Variants in NUP214 observed in about 807,000 individuals in gnomAD.
NUP214 encodes the protein nucleoporin 214.
In NUP214, 79 loss-of-function variants were observed where a neutral mutation model predicts 196.2. The observed-to-expected ratio is 0.40, with a 90% CI of 0.34 to 0.49. The LOEUF (loss-of-function observed/expected upper bound fraction) is 0.49, where lower values mean the gene tolerates loss of function less well. NUP214 is among the 20% of genes least tolerant of loss of function. NUP214 has a pLI of 0.58. For missense variants in NUP214, 2,468 were observed against 2,539.0 expected, an observed-to-expected ratio of 0.97 and a Z score of 0.60; for synonymous variants, 1,020 against 990.5, an observed-to-expected ratio of 1.03 and a Z score of -0.56.
In NUP214 at chr9:131,144,720, T is replaced by A. The variant is rs543869161; in HGVS notation, c.1735T>A (p.Ser579Thr). The change falls in exon 12 of 36, where the codon TCA becomes ACA. Residue 579 changes from serine to threonine, a missense_variant. By Grantham distance (58) the Ser-to-Thr change is moderately conservative. This residue lies in a region of NUP214 where 1,801 missense variants were observed against 1,779.4 expected (regional missense o/e 1.01). Coordinates refer to ENST00000359428, the MANE Select transcript of NUP214 (RefSeq NM_005085.4). ...NIAMKPSFPP[S>T]TSAVKVNLSE... is the part of the protein sequence containing the mutation. ...AGCAATGAAGCCCTCCTTCCCACCCTCAACCTCTGCTGTCAAAGTCAACCT... is the reference window on the plus strand; with the variant it reads ...AGCAATGAAGCCCTCCTTCCCACCCACAACCTCTGCTGTCAAAGTCAACCT... 3.1e-6 allele frequency: 5 copies of A among 1,611,696 alleles called. No homozygotes were observed. In the African/African-American group the frequency reaches 6.7e-5, roughly 21 times the overall value.
intron 27 of NUP214, among the ~76,000 whole-genome samples, chr9:131,193,629 C>CTTTTTTTTTTTTTTTTTTTTTTTTTTGTT (rs1833680255): frequency 3.5e-5 from 1 of 28,218 alleles, no homozygotes; most frequent in African/African-American, 1.2e-4. Context: ...TCTTCCTTTT[C>CTTTTTTTTTTTTTTTTTTTTTTTTTTGTT]TTTTTTTTTT....
chr9:131,162,792 T>C (rs1341826349), intron 18 of NUP214, 199 bp from the exon 19 acceptor site: 1 of 586,042 alleles, frequency 1.7e-6, no homozygotes, highest in Non-Finnish European at 3.0e-6. Flanking sequence ...TCCAGCTGTT[T>C]TCTCCACATT....
At chr9:131,162,672 T>A (rs1039274674) in intron 18 of NUP214, among the ~76,000 whole-genome samples, 1 of 152,198 alleles carries the variant, frequency 6.6e-6, no homozygotes, top group Non-Finnish European at 1.5e-5. Flanking sequence ...GCTGACTGGC[T>A]TTTTCCTGGT....
intron 21 of NUP214, among the ~76,000 whole-genome samples, chr9:131,166,299 C>T (rs926693804): frequency 5.3e-5 from 8 of 152,110 alleles, no homozygotes; most frequent in South Asian, 2.1e-4. Context: ...TTTCTCAGAA[C>T]GTCTTTGTTC....
intron 21 of NUP214, among the ~76,000 whole-genome samples, chr9:131,168,844 T>C (rs915457764): frequency 3.3e-5 from 5 of 152,120 alleles, no homozygotes; most frequent in Non-Finnish European, 7.4e-5. Flanking sequence ...TCCTCCCTGC[T>C]TAGCAGGGCC....
rs964222346 is a variant in NUP214, at chr9:131,189,138, T to G, written c.3574+7T>G. The G allele has an allele frequency of 1.2e-6, 2 of 1,613,132 alleles. No homozygotes were observed. Among genetic ancestry groups the G allele is most frequent in the South Asian group, 2.2e-5 (2 of 91,066 alleles). ...TCTGGTGACAAAGCTTCAGGTCAGT[T>G]TGCATTTTTGTTTTCTTGAAAAGTG... is the stretch of plus-strand genomic sequence containing the variant. On this transcript the variant is annotated splice_region_variant and intron_variant, in intron 26 of 35. Transcript: ENST00000359428.
At position 131,125,645 on chromosome 9, in the gene NUP214, T is replaced by G. The variant is rs1284539721; in HGVS notation, c.-60T>G. 1 of 1,541,954 alleles carries G rather than the reference T, an allele frequency of 6.5e-7. No individual in the cohort carries two copies. The highest frequency in any genetic ancestry group is 2.5e-5 in the East Asian group (1 of 39,732). ...GAAGTTTGCTGTCGAGCGGCCTGGG[T>G]TCCGTGGGCAAGGCCGTGGGAGGCA... On this transcript the variant is annotated 5_prime_UTR_variant, in exon 1 of 36. Coordinates refer to ENST00000359428, the MANE Select transcript of NUP214 (RefSeq NM_005085.4). The surrounding 1 kb of genome is among the most constrained non-coding windows in gnomAD (Gnocchi z 4.1).
rs766672154 is a variant in NUP214 at position 131,198,958 on chromosome 9, A to G, written c.5464A>G (p.Thr1822Ala). 1 of 1,613,368 alleles carries G rather than the reference A, an allele frequency of 6.2e-7. No homozygotes were observed. The highest frequency in any genetic ancestry group is 1.1e-5 in the South Asian group (1 of 91,070). Residue 1822 changes from threonine (T) to alanine (A), a missense_variant, in exon 29 of 36, where the codon ACC becomes GCC. Physicochemically the swap from Thr to Ala is moderately conservative, Grantham distance 58 (BLOSUM62 0). Around this residue, in one of 5 missense-constraint regions of NUP214, gnomAD observed 1,801 missense variants for 1,779.4 expected, o/e 1.01. Coordinates refer to ENST00000359428, the MANE Select transcript of NUP214 (RefSeq NM_005085.4). ...ACAGGGAGGCTCTGTCTTTGGTGGT[A>G]CCTCAGCTGCCACCACAACAGCAGC... ...FGQGGSVFGG[T>A]SAATTTAATS...
intron 3 of NUP214, 57 bp from the exon 4 acceptor site, chr9:131,129,222 T>C: frequency 7.2e-7 from 1 of 1,397,772 alleles, no homozygotes; most frequent in Non-Finnish European, 1.0e-6. Context: ...GAATATTAAA[T>C]GTTTCTGCAT....
intron 17 of NUP214, among the ~76,000 whole-genome samples, chr9:131,155,712 C>T (rs888850250): frequency 1.3e-5 from 2 of 152,118 alleles, no homozygotes; most frequent in East Asian, 3.8e-4. Flanking sequence ...GCCAATTATC[C>T]CAGCACTATT....
intron 31 of NUP214, among the ~76,000 whole-genome samples, chr9:131,218,973 G>T (rs894948821): frequency 6.6e-6 from 1 of 152,062 alleles, no homozygotes; most frequent in African/African-American, 2.4e-5. Flanking sequence ...ATGAATGCAA[G>T]GCTGTTTCTG....
At chr9:131,179,754 C>T (rs1389947370) in intron 24 of NUP214, among the ~76,000 whole-genome samples, 1 of 152,160 alleles carries the variant, frequency 6.6e-6, no homozygotes, top group East Asian at 1.9e-4. Flanking sequence ...TTAGTTATCT[C>T]AGGGCCATAC....
At chr9:131,175,910 T>G (rs1833101002) in intron 23 of NUP214, 1 of 338,664 alleles carries the variant, frequency 3.0e-6, no homozygotes, top group South Asian at 6.3e-5. Flanking sequence ...TACTTTTGAA[T>G]AATGTCTGCT....
In NUP214 at chr9:131,146,238, C is replaced by T; in HGVS notation, c.1879C>T (p.Pro627Ser). ...AGCTGCTTCTGGACCACTCAGCCAC[C>T]CCACACCTCTCTCAGCACCACCTAG... The part of the protein sequence containing the change: ...KPAASGPLSH[P>S]TPLSAPPSSV... Residue 627 changes from proline (P) to serine (S), a missense_variant, in exon 13 of 36, where the codon CCC becomes TCC. Physicochemically the swap from Pro to Ser is moderately conservative, Grantham distance 74 (BLOSUM62 -1). Around this residue, in one of 5 missense-constraint regions of NUP214, gnomAD observed 1,801 missense variants for 1,779.4 expected, o/e 1.01. Transcript: ENST00000359428. This position sits in a 1 kb window ranked among gnomAD's most constrained non-coding sequence, Gnocchi z 4.6. 2.5e-6 allele frequency: 4 copies of T among 1,614,136 alleles called. No homozygotes were observed. The highest frequency in any genetic ancestry group is 3.4e-6 in the Non-Finnish European group (4 of 1,180,024).
chr9:131,177,414 G>A (rs1833149330), intron 23 of NUP214, among the ~76,000 whole-genome samples: 1 of 152,108 alleles, frequency 6.6e-6, no homozygotes, highest in Non-Finnish European at 1.5e-5. Context: ...AAATCTATTA[G>A]GATTGAGGAT....
At chr9:131,178,908 A>G (rs755485840) in intron 24 of NUP214, among the ~76,000 whole-genome samples, 1 of 151,944 alleles carries the variant, frequency 6.6e-6, no homozygotes, top group Non-Finnish European at 1.5e-5. Flanking sequence ...CTGCCATGCC[A>G]TGTTTGAGGG....
At chr9:131,201,900 G>A (rs1230504823) in intron 30 of NUP214, among the ~76,000 whole-genome samples, 183 bp downstream of exon 30, 2 of 152,182 alleles carry the variant, frequency 1.3e-5, no homozygotes, top group Non-Finnish European at 2.9e-5. Context: ...GATTAAAGAG[G>A]ATCACTAGAA....
At chr9:131,164,394 C>T (rs1832726533) in intron 21 of NUP214, 1 of 494,508 alleles carries the variant, frequency 2.0e-6, no homozygotes, top group South Asian at 2.5e-5. Flanking sequence ...TTGGCTTTTA[C>T]ACTGTTTTCT....
chr9:131,192,046 C>T (rs1014304849), intron 26 of NUP214, 162 bp from the exon 27 acceptor site: 43 of 480,480 alleles, frequency 8.9e-5, no homozygotes, highest in African/African-American at 6.0e-4. Flanking sequence ...AGTGAGGCAA[C>T]GTGCTCACTC....
Sources: gnomAD v4.1 joint callset for allele counts (sites outside exome capture counted in the v4.1 genomes callset) on GRCh38, gnomAD v4.1.1 for gene constraint, gnomAD v4.1.1 regional missense constraint, Gnocchi (gnomAD v3.1) non-coding constraint, MANE v1.5 for transcripts, NCBI Gene and HGNC (gene_info 2026-07-23, HGNC 2026-07-21) for gene names.